DOK6: variants seen among roughly 807,000 people sequenced by gnomAD.
The protein encoded by DOK6 is downstream of tyrosine kinase 6.
DOK6 carries 22 observed loss-of-function variants against 44.0 expected under a neutral mutation model. That is an observed-to-expected ratio of 0.50 (90% CI 0.36 to 0.71). The LOEUF is 0.71. Among genes scored for constraint, DOK6 ranks in the 30% least tolerant of loss-of-function variants. DOK6 has a pLI of 0.00. For missense variants in DOK6, 340 were observed against 416.4 expected, an observed-to-expected ratio of 0.82 and a Z score of 1.60; for synonymous variants, 166 against 145.5, an observed-to-expected ratio of 1.14 and a Z score of -1.01.
At chr18:69,809,565 GACACACACACACACAC>G (rs57753226) in intron 7 of DOK6, among the ~76,000 whole-genome samples, 1 of 146,116 alleles carries the variant, frequency 6.8e-6, no homozygotes, top group Non-Finnish European at 1.5e-5. Context: ...CACACACACA[GACACACACACACACAC>G]ACACACACAC....
chr18:69,562,394 C>A, intron 1 of DOK6, among the ~76,000 whole-genome samples: 1 of 152,018 alleles, frequency 6.6e-6, no homozygotes, highest in Non-Finnish European at 1.5e-5. Flanking sequence ...TGGTCTATAT[C>A]TCTGTTTTAG....
At chr18:69,709,092 T>C (rs1182146076) in intron 5 of DOK6, among the ~76,000 whole-genome samples, 1 of 152,166 alleles carries the variant, frequency 6.6e-6, no homozygotes, top group Admixed American at 6.5e-5. Context: ...TGCTTTGTCC[T>C]TATTTAGAAC....
intron 1 of DOK6, among the ~76,000 whole-genome samples, chr18:69,499,196 G>A (rs181033728): frequency 1.3e-5 from 2 of 151,282 alleles, no homozygotes; most frequent in Admixed American, 6.6e-5. Flanking sequence ...TATGCTTAAG[G>A]GTATATATAT....
At chr18:69,670,543 C>T (rs1478923348) in intron 3 of DOK6, among the ~76,000 whole-genome samples, 1 of 143,534 alleles carries the variant, frequency 7.0e-6, no homozygotes, top group Non-Finnish European at 1.5e-5. Flanking sequence ...CAGAGTCTCA[C>T]TCTGTCACCA....
intron 7 of DOK6, among the ~76,000 whole-genome samples, chr18:69,769,197 TATCA>T (rs1286442705): frequency 1.8e-4 from 27 of 152,132 alleles, no homozygotes; most frequent in Non-Finnish European, 3.2e-4. Context: ...TGATAAACAT[TATCA>T]ATGTCTTTTA....
chr18:69,748,652 A>C (rs1156923934), intron 6 of DOK6, among the ~76,000 whole-genome samples: 1 of 152,230 alleles, frequency 6.6e-6, no homozygotes, highest in Non-Finnish European at 1.5e-5. Flanking sequence ...GGCAGAAATC[A>C]AACAACAGAT....
intron 3 of DOK6, among the ~76,000 whole-genome samples, chr18:69,651,482 C>CTTT (rs1168500882): frequency 4.3e-4 from 50 of 116,908 alleles, no homozygotes; most frequent in African/African-American, 7.9e-4. Context: ...CCCCCCGCTC[C>CTTT]TTTTTTTTTT....
Position 69,774,139 on chromosome 18 carries a change from T to G in DOK6, c.856+16266T>G, listed in dbSNP as rs1191492741. Among the ~76,000 whole-genome samples the G allele has an allele frequency of 3.3e-5, 4 of 119,880 alleles. 1 individual carries two copies. Among genetic ancestry groups the G allele is most frequent in the Admixed American group, 3.3e-4 (4 of 12,250 alleles). The allele number at this position is 119,880 out of a possible 152,430, so 78.6% of individuals were successfully genotyped here. ...TATATAGATATATATATGAGATATA[T>G]ATATATATATATATATAATGTAATA... On this transcript the variant is annotated intron_variant, in intron 7 of 7. Transcript: ENST00000382713.
At chr18:69,622,401 A>G (rs1450729906) in intron 3 of DOK6, among the ~76,000 whole-genome samples, 1 of 152,240 alleles carries the variant, frequency 6.6e-6, no homozygotes, top group Non-Finnish European at 1.5e-5. Context: ...TGGGCAGAAT[A>G]TGTCACAAAG....
intron 1 of DOK6, among the ~76,000 whole-genome samples, chr18:69,436,521 G>T (rs1036135860): frequency 6.6e-6 from 1 of 152,032 alleles, no homozygotes; most frequent in African/African-American, 2.4e-5. Context: ...AGTATTCCAT[G>T]GTGCATATGT....
chr18:69,789,392 C>T (rs1980527673), intron 7 of DOK6, among the ~76,000 whole-genome samples: 1 of 152,004 alleles, frequency 6.6e-6, no homozygotes, highest in African/African-American at 2.4e-5. Context: ...GGTAAATCTC[C>T]CTAAATGTTC....
chr18:69,484,529 G>C (rs970725380), intron 1 of DOK6, among the ~76,000 whole-genome samples: 3 of 152,130 alleles, frequency 2.0e-5, no homozygotes, highest in Admixed American at 6.6e-5. Context: ...TTTAAGCTTT[G>C]TCATCAAGTA....
chr18:69,780,202 AT>A (rs1221732662), intron 7 of DOK6, among the ~76,000 whole-genome samples: 1 of 152,104 alleles, frequency 6.6e-6, no homozygotes, highest in East Asian at 1.9e-4. Context: ...TTCTGACCTC[AT>A]TTTTGTGCTG....
At chr18:69,713,937 A>G (rs1986825796) in intron 5 of DOK6, among the ~76,000 whole-genome samples, 1 of 152,178 alleles carries the variant, frequency 6.6e-6, no homozygotes, top group Non-Finnish European at 1.5e-5. Context: ...TGGTGAAAAT[A>G]AATTATAGAT....
Position 69,503,545 on chromosome 18 carries a change from T to C in DOK6, c.67-60942T>C, listed in dbSNP as rs188196045. Reference sequence around the variant, plus strand: ...GGTTGAATTTTCCTTCATTGTAAGATTAAAGAAGGCAAAAATATTTAAAAT... The same window carrying C: ...GGTTGAATTTTCCTTCATTGTAAGACTAAAGAAGGCAAAAATATTTAAAAT... On this transcript the variant is annotated intron_variant, in intron 1 of 7. Coordinates refer to ENST00000382713, the MANE Select transcript of DOK6 (RefSeq NM_152721.6). 3.9e-5 allele frequency among the ~76,000 whole-genome samples: 6 copies of C among 152,200 alleles called. No homozygotes were observed. The East Asian group carries it at 9.6e-4, about 24-fold the overall frequency.
chr18:69,803,878 A>G (rs1445358112), intron 7 of DOK6, among the ~76,000 whole-genome samples: 1 of 152,148 alleles, frequency 6.6e-6, no homozygotes, highest in African/African-American at 2.4e-5. Context: ...ATATATAGCT[A>G]TGACCCACAC....
At chr18:69,600,452 G>C (rs1983845514) in intron 3 of DOK6, among the ~76,000 whole-genome samples, 1 of 151,912 alleles carries the variant, frequency 6.6e-6, no homozygotes, top group Non-Finnish European at 1.5e-5. Flanking sequence ...CTCTTCACTT[G>C]CCATCTGACC....
At chr18:69,700,206 C>CATATATATAT (rs1317738197) in intron 5 of DOK6, among the ~76,000 whole-genome samples, 1 of 72,102 alleles carries the variant, frequency 1.4e-5, no homozygotes. Context: ...GTTAGTTTTA[C>CATATATATAT]ATATATATAC....
chr18:69,450,442 C>T (rs1348161079), intron 1 of DOK6, among the ~76,000 whole-genome samples: 4 of 99,180 alleles, frequency 4.0e-5, no homozygotes, highest in Non-Finnish European at 8.0e-5. Context: ...GATTGGTGTA[C>T]CTGAAAGTGA....
Sources: gnomAD v4.1 joint callset for allele counts (sites outside exome capture counted in the v4.1 genomes callset) on GRCh38, gnomAD v4.1.1 for gene constraint, MANE v1.5 for transcripts, NCBI Gene and HGNC (gene_info 2026-07-23, HGNC 2026-07-21) for gene names.